CCDC30: variants seen among roughly 807,000 people sequenced by gnomAD.
CCDC30 encodes the protein coiled-coil domain containing 30, also known as coiled-coil domain-containing protein 30.
A neutral mutation model predicts 100.2 loss-of-function variants in CCDC30; 70 were observed. The observed-to-expected ratio is 0.70, with a 90% confidence interval of 0.58 to 0.85. The LOEUF is 0.85. Ranked by LOEUF, CCDC30 falls within the 40% of genes least tolerant of loss-of-function variation. The pLI, the probability that CCDC30 is intolerant of heterozygous loss-of-function variation, is 0.00. For synonymous variants in CCDC30, 233 were observed against 269.5 expected, an observed-to-expected ratio of 0.86 and a Z score of 1.33; for missense variants, 652 against 771.2, an observed-to-expected ratio of 0.85 and a Z score of 1.83.
intron 10 of CCDC30, among the ~76,000 whole-genome samples, chr1:42,601,520 C>A (rs1173809892): frequency 6.6e-6 from 1 of 152,172 alleles, no homozygotes; most frequent in Non-Finnish European, 1.5e-5. Context: ...TCCCACATAG[C>A]CAGGGCATCC....
chr1:42,612,515 C>A (rs1346489737), intron 11 of CCDC30, among the ~76,000 whole-genome samples: 1 of 152,194 alleles, frequency 6.6e-6, no homozygotes, highest in East Asian at 1.9e-4. Context: ...AGCCCAAAAC[C>A]AAGTCTCAGC....
intron 3 of CCDC30, among the ~76,000 whole-genome samples, chr1:42,486,536 T>C (rs1644053822): frequency 6.6e-6 from 1 of 152,070 alleles, no homozygotes. Flanking sequence ...AGGTGGTGAG[T>C]CTTTCATGAA....
intron 9 of CCDC30, among the ~76,000 whole-genome samples, chr1:42,583,404 T>C (rs1303757402): frequency 6.6e-6 from 1 of 152,216 alleles, no homozygotes; most frequent in Non-Finnish European, 1.5e-5. Flanking sequence ...ATAGGGAAAT[T>C]CTTCTACCGA....
At chr1:42,605,812 T>G (rs1646491013) in intron 10 of CCDC30, among the ~76,000 whole-genome samples, 1 of 152,154 alleles carries the variant, frequency 6.6e-6, no homozygotes, top group South Asian at 2.1e-4. Context: ...ATGTTCAAAT[T>G]AACACATTAA....
chr1:42,567,601 A>G (rs1203779214), intron 7 of CCDC30, among the ~76,000 whole-genome samples: 1 of 152,196 alleles, frequency 6.6e-6, no homozygotes, highest in East Asian at 1.9e-4. Context: ...CTCACCCTTC[A>G]TGAGTTTTTG....
chr1:42,456,439 A>G, the CCDC30 span: 4 of 1,001,308 alleles, frequency 4.0e-6, no homozygotes, highest in Non-Finnish European at 5.6e-6. Flanking sequence ...CGAGATCGGG[A>G]CCTAGTGTCA....
Position 42,477,640 on chromosome 1 carries a change from T to G in CCDC30, c.-91-2821T>G, listed in dbSNP as rs561658783. Among the ~76,000 whole-genome samples, 14 of 152,362 alleles carry G rather than the reference T, an allele frequency of 9.2e-5. 1 individual carries two copies. Among genetic ancestry groups the G allele is most frequent in the African/African-American group, 3.4e-4 (14 of 41,586 alleles). On this transcript the variant is annotated intron_variant, in intron 1 of 16. Coordinates refer to ENST00000668663, the Ensembl canonical transcript of CCDC30. ...TGGACTGCCAGTAAGCCTCAGTTTG[T>G]AAATCAATCCTATGCATCCCACATT...
upstream of CCDC30, chr1:42,459,855 G>C (rs182769462): frequency 6.2e-7 from 1 of 1,614,164 alleles, no homozygotes; most frequent in Admixed American, 1.7e-5. Flanking sequence ...AGAAAAAGGC[G>C]TAGAGATAGA....
intron 11 of CCDC30, 69 bp from the exon 16 acceptor site, chr1:42,637,168 G>A: frequency 8.0e-7 from 1 of 1,249,226 alleles, no homozygotes; most frequent in Admixed American, 2.5e-5. Flanking sequence ...CAAGAAAGGT[G>A]CATATTGAGG....
At chr1:42,569,629 T>C (rs1645688650) in intron 7 of CCDC30, among the ~76,000 whole-genome samples, 1 of 152,198 alleles carries the variant, frequency 6.6e-6, no homozygotes, top group Non-Finnish European at 1.5e-5. Context: ...TTACTGGCTA[T>C]ACAGCCAAAG....
intron 10 of CCDC30, chr1:42,591,067 A>G (rs921892506): frequency 1.3e-5 from 2 of 152,238 alleles, no homozygotes; most frequent in African/African-American, 4.8e-5. Flanking sequence ...GAGCAAAGGA[A>G]TGACTTAAAG....
At chr1:42,557,049 T>TTC (rs1378482451) in intron 6 of CCDC30, among the ~76,000 whole-genome samples, 2 of 152,202 alleles carry the variant, frequency 1.3e-5, no homozygotes, top group Non-Finnish European at 2.9e-5. Context: ...ATTTTACAGG[T>TTC]TCTCTCTTAC....
At chr1:42,576,742 T>A (rs1402509313) in intron 7 of CCDC30, among the ~76,000 whole-genome samples, 1 of 152,190 alleles carries the variant, frequency 6.6e-6, no homozygotes, top group Non-Finnish European at 1.5e-5. Flanking sequence ...AAAGTTTCAC[T>A]GGAGTAGTGG....
chr1:42,506,981 C>A (rs1644404540), intron 6 of CCDC30, among the ~76,000 whole-genome samples: 1 of 152,184 alleles, frequency 6.6e-6, no homozygotes, highest in African/African-American at 2.4e-5. Context: ...GGCTGGAGTG[C>A]AATGGTGCAA....
intron 6 of CCDC30, chr1:42,509,949 T>A: frequency 1.6e-6 from 1 of 615,876 alleles, no homozygotes; most frequent in South Asian, 7.2e-5. Context: ...CAAGCTCAAC[T>A]CTAAGCAAAG....
chr1:42,493,235 AAGAAG>A (rs1229379384), intron 4 of CCDC30, among the ~76,000 whole-genome samples: 1 of 152,094 alleles, frequency 6.6e-6, no homozygotes, highest in African/African-American at 2.4e-5. Context: ...AGAACAGAAT[AAGAAG>A]AGAAAATTAA....
In CCDC30 at chr1:42,519,751, C is replaced by T. The variant is rs189765626; in HGVS notation, c.456+20835C>T. ...TGTATTTTTAGTAGAGACAGGGTTT[C>T]ACCATGTTGGCCAGGCTGGTCTCAA... On this transcript the variant is annotated intron_variant, in intron 6 of 16. Coordinates refer to ENST00000668663, the Ensembl canonical transcript of CCDC30. Among the ~76,000 whole-genome samples the T allele has an allele frequency of 3.9e-5, 6 of 152,010 alleles. No homozygotes were observed. The East Asian group carries it at 1.2e-3, about 29-fold the overall frequency.
intron 7 of CCDC30, among the ~76,000 whole-genome samples, chr1:42,574,608 T>C (rs1645796234): frequency 6.6e-6 from 1 of 152,188 alleles, no homozygotes; most frequent in Non-Finnish European, 1.5e-5. Context: ...TCTAATGTAT[T>C]CTTTTTAGAG....
chr1:42,509,192 G>T (rs1644440826), intron 6 of CCDC30, among the ~76,000 whole-genome samples: 1 of 152,154 alleles, frequency 6.6e-6, no homozygotes, highest in South Asian at 2.1e-4. Flanking sequence ...CCCCAAAGCT[G>T]CCCTTCCCCA....
Sources: allele counts gnomAD v4.1 joint callset (sites outside exome capture counted in the v4.1 genomes callset), GRCh38; gene constraint gnomAD v4.1.1; transcripts MANE v1.5; gene names NCBI Gene and HGNC (gene_info 2026-07-23, HGNC 2026-07-21).